EYS: variants seen among roughly 807,000 people sequenced by gnomAD.
EYS encodes protein eyes shut homolog.
EYS carries 250 observed loss-of-function variants against 282.1 expected under a neutral mutation model. The observed-to-expected ratio is 0.89, with a 90% CI of 0.80 to 0.98. EYS has a LOEUF of 0.98. EYS is among the 50% of genes least tolerant of loss of function. The pLI is 0.00. For synonymous variants in EYS, 1,355 were observed against 1,282.9 expected, an observed-to-expected ratio of 1.06 and a Z score of -1.20; for missense variants, 4,016 against 3,709.0, an observed-to-expected ratio of 1.08 and a Z score of -2.15.
At chr6:63,732,552 A>G (rs764032024) in intron 41 of EYS, among the ~76,000 whole-genome samples, 7 of 152,248 alleles carry the variant, frequency 4.6e-5, no homozygotes, top group Non-Finnish European at 8.8e-5. Context: ...ATTGAGGTGG[A>G]CATACCAGTG....
chr6:65,175,410 C>T (rs942638961), intron 12 of EYS, among the ~76,000 whole-genome samples: 1 of 151,090 alleles, frequency 6.6e-6, no homozygotes, highest in Non-Finnish European at 1.5e-5. Flanking sequence ...ATAATGAAGA[C>T]AGAGAAGCAC....
chr6:64,843,244 C>T (rs1204895297), intron 19 of EYS, among the ~76,000 whole-genome samples: 1 of 152,058 alleles, frequency 6.6e-6, no homozygotes, highest in African/African-American at 2.4e-5. Context: ...GGGTTGGACC[C>T]CCCACACAGA....
chr6:65,296,799 GT>G (rs1562079303), intron 11 of EYS, among the ~76,000 whole-genome samples: 1 of 151,618 alleles, frequency 6.6e-6, no homozygotes. Flanking sequence ...TTTTCTAGTA[GT>G]TTTTTACATA....
intron 35 of EYS, among the ~76,000 whole-genome samples, chr6:63,984,108 A>G (rs919805159): frequency 6.6e-6 from 1 of 151,770 alleles, no homozygotes; most frequent in African/African-American, 2.4e-5. Flanking sequence ...ACCTAGATAA[A>G]GACGTGGATT....
chr6:65,332,338 T>A (rs12207746), intron 11 of EYS: 1 of 763,720 alleles, frequency 1.3e-6, no homozygotes, highest in African/African-American at 1.7e-5. Context: ...ATTCTTACGA[T>A]AAATCCCACC....
chr6:65,559,985 AT>A (rs958407842), intron 2 of EYS, among the ~76,000 whole-genome samples: 2 of 150,566 alleles, frequency 1.3e-5, no homozygotes, highest in Non-Finnish European at 1.5e-5. Flanking sequence ...CTTTGAAGAC[AT>A]TTTTTTCAAA....
chr6:64,145,105 T>C lies in EYS; in HGVS notation c.6425-63103A>G, dbSNP rs148705232. Among the ~76,000 whole-genome samples, 703 of 152,298 alleles carry C rather than the reference T, an allele frequency of 4.6e-3. 5 individuals carry two copies. The highest frequency in any genetic ancestry group is 0.016 in the African/African-American group (670 of 41,566). On this transcript the variant is annotated intron_variant, in intron 31 of 42. Coordinates refer to ENST00000503581, the MANE Select transcript of EYS (RefSeq NM_001142800.2). Reference sequence around the variant, plus strand: ...AGGGATGAAAATTTGACAGCTTCTATTGAATAAGAAGCATGATTATTTTAC... The same window carrying C: ...AGGGATGAAAATTTGACAGCTTCTACTGAATAAGAAGCATGATTATTTTAC...
At chr6:64,020,312 A>G (rs986146839) in intron 33 of EYS, among the ~76,000 whole-genome samples, 3 of 152,180 alleles carry the variant, frequency 2.0e-5, no homozygotes, top group Non-Finnish European at 2.9e-5. Context: ...CATGTACAAA[A>G]TTTTACATGT....
At chr6:64,535,336 A>C (rs960785899) in intron 26 of EYS, among the ~76,000 whole-genome samples, 1 of 152,180 alleles carries the variant, frequency 6.6e-6, no homozygotes, top group Non-Finnish European at 1.5e-5. Flanking sequence ...AAATGAACAA[A>C]TCTCATTATG....
chr6:64,909,971 A>C (rs1253914053), intron 16 of EYS, among the ~76,000 whole-genome samples: 1 of 152,014 alleles, frequency 6.6e-6, no homozygotes, highest in Admixed American at 6.6e-5. Context: ...TTTTACCTAT[A>C]CTCATATTTA....
chr6:65,154,273 G>A (rs540937427), intron 12 of EYS, among the ~76,000 whole-genome samples: 2 of 151,452 alleles, frequency 1.3e-5, no homozygotes, highest in Admixed American at 1.3e-4. Flanking sequence ...AGAATAAACT[G>A]CCTTAAAATG....
At chr6:65,007,539 TC>T (rs1398606647) in intron 13 of EYS, among the ~76,000 whole-genome samples, 1 of 152,142 alleles carries the variant, frequency 6.6e-6, no homozygotes, top group Non-Finnish European at 1.5e-5. Flanking sequence ...GTACAAACTT[TC>T]TTTTCATTAA....
At chr6:64,217,735 G>T (rs1765977258) in intron 31 of EYS, among the ~76,000 whole-genome samples, 1 of 151,938 alleles carries the variant, frequency 6.6e-6, no homozygotes, top group Non-Finnish European at 1.5e-5. Context: ...CTAAAGATGG[G>T]TATTAAACAT....
At chr6:65,440,603 T>G (rs1422029197) in intron 5 of EYS, among the ~76,000 whole-genome samples, 4 of 151,444 alleles carry the variant, frequency 2.6e-5, no homozygotes, top group Non-Finnish European at 5.9e-5. Context: ...TTGCTTGTCT[T>G]TAATGAGTCT....
At chr6:64,837,977 C>G (rs1765438588) in intron 19 of EYS, among the ~76,000 whole-genome samples, 1 of 151,578 alleles carries the variant, frequency 6.6e-6, no homozygotes, top group African/African-American at 2.4e-5. Context: ...TATAACAAAA[C>G]TGCACTTATA....
intron 12 of EYS, among the ~76,000 whole-genome samples, chr6:65,098,333 G>A (rs191676731): frequency 6.6e-5 from 10 of 150,660 alleles, no homozygotes; most frequent in African/African-American, 2.2e-4. Context: ...TAGCCTCGGG[G>A]TTTTAGAAGC....
intron 15 of EYS, among the ~76,000 whole-genome samples, chr6:64,931,333 A>G (rs1163993040): frequency 6.6e-6 from 1 of 152,152 alleles, no homozygotes; most frequent in Non-Finnish European, 1.5e-5. Context: ...CAATGTTTAT[A>G]ATATTTTATT....
intron 1 of EYS, among the ~76,000 whole-genome samples, chr6:65,695,669 T>C (rs1475512876): frequency 6.6e-6 from 1 of 151,984 alleles, no homozygotes. Context: ...TTAGCAATGT[T>C]ATATCTATAT....
At chr6:65,038,784 C>A (rs1772844446) in intron 13 of EYS, among the ~76,000 whole-genome samples, 4 of 151,236 alleles carry the variant, frequency 2.6e-5, no homozygotes, top group Non-Finnish European at 5.9e-5. Flanking sequence ...GGAGTATTCA[C>A]TTTTGGTTAG....
Sources: gnomAD v4.1 joint callset for allele counts (sites outside exome capture counted in the v4.1 genomes callset) on GRCh38, gnomAD v4.1.1 for gene constraint, MANE v1.5 for transcripts, NCBI Gene and HGNC (gene_info 2026-07-23, HGNC 2026-07-21) for gene names.